NEMP2: variants seen among roughly 807,000 people sequenced by gnomAD.
NEMP2 encodes UPF0571 transmembrane protein.
A neutral mutation model predicts 54.2 loss-of-function variants in NEMP2; 53 were observed. The ratio of observed to expected loss-of-function variants is 0.98; its 90% CI spans 0.78 to 1.23. The LOEUF is 1.23. Among genes scored for constraint, NEMP2 ranks in the 50% most tolerant of loss-of-function variants. The pLI is 0.00. For missense variants in NEMP2, 455 were observed against 511.3 expected (o/e 0.89, Z 1.06); for synonymous variants, 197 against 190.3 (o/e 1.04, Z -0.29).
At chr2:190,482,868 CTTT>C in the NEMP2 span, among the ~76,000 whole-genome samples, 33 of 48,270 alleles carry the variant, frequency 6.8e-4, no homozygotes, top group African/African-American at 1.6e-3. Flanking sequence ...AGACTATCAT[CTTT>C]TTTTTTTTTT....
At chr2:190,642,766 G>A in the NEMP2 span, among the ~76,000 whole-genome samples, 21 of 152,124 alleles carry the variant, frequency 1.4e-4, no homozygotes, top group African/African-American at 5.1e-4. The surrounding 1 kb of genome is among the most constrained non-coding windows in gnomAD (Gnocchi z 4.1). Flanking sequence ...AATAATAGAC[G>A]AGAATTATAT....
Position 190,510,262 on chromosome 2 carries a change from C to CA in NEMP2, c.1130+98dup, listed in dbSNP as rs1690310054. On this transcript the variant is annotated intron_variant, in intron 8 of 8. Transcript: ENST00000409150. The surrounding 1 kb of genome is among the most constrained non-coding windows in gnomAD (Gnocchi z 5.7). ...CCACATCATCTGTTATCCAGGGAAA[C>CA]AGTCTATTTCTACCCTGAAGTGCCT... 16 of 1,367,300 alleles carry CA rather than the reference C, an allele frequency of 1.2e-5. No individual in the cohort carries two copies. The highest frequency in any genetic ancestry group is 1.4e-5 in the Non-Finnish European group (14 of 1,008,370). 84.7% of individuals were successfully genotyped at this position (1,367,300 alleles called of 1,614,324 possible).
the NEMP2 span, among the ~76,000 whole-genome samples, chr2:190,459,024 C>A: frequency 4.6e-5 from 7 of 152,326 alleles, no homozygotes; most frequent in East Asian, 9.6e-4. This position sits in a 1 kb window ranked among gnomAD's most constrained non-coding sequence, Gnocchi z 5.3. Context: ...GAGAGTGGGT[C>A]CATCCCCTCT....
chr2:190,646,379 T>C, the NEMP2 span, among the ~76,000 whole-genome samples: 1 of 152,134 alleles, frequency 6.6e-6, no homozygotes, highest in Admixed American at 6.5e-5. Flanking sequence ...GAGGAGGTAT[T>C]AGGGATGGCA....
the NEMP2 span, among the ~76,000 whole-genome samples, chr2:190,441,988 T>C: frequency 6.6e-6 from 1 of 152,140 alleles, no homozygotes; most frequent in Admixed American, 6.5e-5. Context: ...CAAAGACTCC[T>C]GATGGCAATT....
chr2:190,586,002 G>A, the NEMP2 span, among the ~76,000 whole-genome samples: 2 of 152,150 alleles, frequency 1.3e-5, no homozygotes, highest in African/African-American at 4.8e-5. This position sits in a 1 kb window ranked among gnomAD's most constrained non-coding sequence, Gnocchi z 4.5. Context: ...TGCCCACACA[G>A]AGAGTTGTTG....
rs1328668055 is a variant in NEMP2, at chr2:190,523,650, C to T, written c.213+1613G>A. ...TTCCAGAGCTAAGTCTATGAAATTA[C>T]ACACGCCTAGAACATCTTGTTTGTT... On this transcript the variant is annotated intron_variant, in intron 2 of 8. Transcript: ENST00000409150. The surrounding 1 kb of genome is among the most constrained non-coding windows in gnomAD (Gnocchi z 5.3). Among the ~76,000 whole-genome samples, 2 of 152,116 alleles carry T rather than the reference C, an allele frequency of 1.3e-5. No individual in the cohort carries two copies. Among genetic ancestry groups the T allele is most frequent in the Admixed American group, 6.5e-5 (1 of 15,284 alleles).
the NEMP2 span, among the ~76,000 whole-genome samples, chr2:190,476,909 A>G: frequency 6.6e-6 from 1 of 152,114 alleles, no homozygotes; most frequent in South Asian, 2.1e-4. Flanking sequence ...TTGTAGGGAC[A>G]TGGATGAAGC....
At chr2:190,432,943 C>T in the NEMP2 span, among the ~76,000 whole-genome samples, 1 of 152,102 alleles carries the variant, frequency 6.6e-6, no homozygotes, top group East Asian at 1.9e-4. Context: ...TCAGGGATTC[C>T]GAGTAGTAAA....
At chr2:190,446,608 CT>C in the NEMP2 span, among the ~76,000 whole-genome samples, 1 of 152,094 alleles carries the variant, frequency 6.6e-6, no homozygotes, top group South Asian at 2.1e-4. Context: ...GAGGGAGGAA[CT>C]AGGAAGGCAC....
At chr2:190,463,483 G>GA in the NEMP2 span, among the ~76,000 whole-genome samples, 391 of 152,068 alleles carry the variant, frequency 2.6e-3, 2 homozygotes, top group African/African-American at 8.8e-3. This position sits in a 1 kb window ranked among gnomAD's most constrained non-coding sequence, Gnocchi z 4.4. Context: ...TAACAATTCT[G>GA]AAAAAAAAAT....
At chr2:190,564,294 G>T in the NEMP2 span, among the ~76,000 whole-genome samples, 1 of 152,114 alleles carries the variant, frequency 6.6e-6, no homozygotes, top group Non-Finnish European at 1.5e-5. The surrounding 1 kb of genome is among the most constrained non-coding windows in gnomAD (Gnocchi z 4.2). Flanking sequence ...GGAACCATTT[G>T]TCCTTCTCTT....
In NEMP2 at chr2:190,514,580, G is replaced by A. The variant is rs1392291230; in HGVS notation, c.826C>T (p.Arg276Ter). 25 of 1,551,606 alleles carry A rather than the reference G, an allele frequency of 1.6e-5. No individual in the cohort carries two copies. Among genetic ancestry groups the A allele is most frequent in the East Asian group, 9.8e-5 (4 of 40,942 alleles). Residue 276 changes from arginine to a stop codon, truncating the protein, a stop_gained, in exon 7 of 9, where the codon CGA becomes TGA. Transcript: ENST00000409150. LOFTEE classifies it high-confidence loss of function. The surrounding 1 kb of genome is among the most constrained non-coding windows in gnomAD (Gnocchi z 5.7). ...RSRSLLMWML[R>*]LLSLVLVYAG... ...TAGACCAGAACCAGGGAGAGGAGTCGCAGCATCCACATCAGAAGACTTCTG... is the reference window on the plus strand; with the variant it reads ...TAGACCAGAACCAGGGAGAGGAGTCACAGCATCCACATCAGAAGACTTCTG...
the NEMP2 span, chr2:190,497,343 GGT>G: frequency 7.4e-7 from 1 of 1,358,152 alleles, no homozygotes; most frequent in Non-Finnish European, 1.0e-6. The surrounding 1 kb of genome is among the most constrained non-coding windows in gnomAD (Gnocchi z 5.2). Context: ...CTCTGGAATG[GGT>G]ATATGGGATT....
At chr2:190,558,317 T>C in the NEMP2 span, among the ~76,000 whole-genome samples, 1 of 152,088 alleles carries the variant, frequency 6.6e-6, no homozygotes, top group African/African-American at 2.4e-5. The surrounding 1 kb of genome is among the most constrained non-coding windows in gnomAD (Gnocchi z 4.4). Flanking sequence ...CACCGGGGCC[T>C]GTTTGGGGTT....
At chr2:190,486,648 G>A in the NEMP2 span, among the ~76,000 whole-genome samples, 1 of 152,332 alleles carries the variant, frequency 6.6e-6, no homozygotes, top group East Asian at 1.9e-4. Context: ...CTTGAGGAAG[G>A]AGAATAAATT....
the NEMP2 span, among the ~76,000 whole-genome samples, chr2:190,426,475 T>A: frequency 2.0e-5 from 3 of 152,228 alleles, no homozygotes; most frequent in Non-Finnish European, 2.9e-5. This position sits in a 1 kb window ranked among gnomAD's most constrained non-coding sequence, Gnocchi z 4.7. Context: ...ATTTTTAGGA[T>A]GGCTTTTTAA....
chr2:190,436,919 TAGG>T, the NEMP2 span: 3 of 1,614,226 alleles, frequency 1.9e-6, no homozygotes, highest in Non-Finnish European at 1.7e-6. The surrounding 1 kb of genome is among the most constrained non-coding windows in gnomAD (Gnocchi z 5.3). Context: ...GTTGTCATAA[TAGG>T]AGAATTTTTC....
chr2:190,616,664 C>A, the NEMP2 span, among the ~76,000 whole-genome samples: 2 of 152,220 alleles, frequency 1.3e-5, no homozygotes, highest in African/African-American at 4.8e-5. This position sits in a 1 kb window ranked among gnomAD's most constrained non-coding sequence, Gnocchi z 5.1. Context: ...GGATCCCTCT[C>A]TTCCCTTGGG....
Sources: allele counts gnomAD v4.1 joint callset (sites outside exome capture counted in the v4.1 genomes callset), GRCh38; gene constraint gnomAD v4.1.1; non-coding constraint Gnocchi (gnomAD v3.1); transcripts MANE v1.5; gene names NCBI Gene and HGNC (gene_info 2026-07-23, HGNC 2026-07-21).